HIRA: variants seen among roughly 807,000 people sequenced by gnomAD.
The protein encoded by HIRA is histone cell cycle regulator.
In HIRA, 13 loss-of-function variants were observed where a neutral mutation model predicts 126.6. That is an observed-to-expected ratio of 0.10 (90% CI 0.07 to 0.16). HIRA has a LOEUF of 0.16. Among genes scored for constraint, HIRA ranks in the 10% least tolerant of loss-of-function variants. HIRA has a pLI of 1.00. For missense variants in HIRA, 834 were observed against 1,314.4 expected (o/e 0.63, Z 5.65); for synonymous variants, 511 against 520.0 (o/e 0.98, Z 0.24).
chr22:19,383,213 G>GT (rs953923970), intron 13 of HIRA, among the ~76,000 whole-genome samples: 2 of 151,488 alleles, frequency 1.3e-5, no homozygotes, highest in Admixed American at 1.3e-4. Flanking sequence ...TATGGATAAT[G>GT]TTTTTTTCTT....
chr22:19,407,681 T>G (rs2089319389), intron 3 of HIRA, among the ~76,000 whole-genome samples: 1 of 152,246 alleles, frequency 6.6e-6, no homozygotes, highest in South Asian at 2.1e-4. Context: ...TTTTTCTAGA[T>G]TTTTCAGATG....
intron 8 of HIRA, among the ~76,000 whole-genome samples, chr22:19,394,137 G>A (rs2146227787): frequency 6.6e-6 from 1 of 152,324 alleles, no homozygotes; most frequent in Non-Finnish European, 1.5e-5. Flanking sequence ...GTGTGTAAAA[G>A]GCTGATGTGG....
intron 1 of HIRA, among the ~76,000 whole-genome samples, chr22:19,429,507 G>T (rs539111288): frequency 6.6e-6 from 1 of 151,988 alleles, no homozygotes; most frequent in African/African-American, 2.4e-5. Context: ...TTATATCTAC[G>T]CTCCCAACTG....
intron 15 of HIRA, among the ~76,000 whole-genome samples, chr22:19,373,088 A>G (rs1489012332): frequency 6.6e-6 from 1 of 152,234 alleles, no homozygotes. Flanking sequence ...TCTAAGAAAC[A>G]GTTGCCTAAT....
chr22:19,407,644 G>T (rs752740169), intron 3 of HIRA, among the ~76,000 whole-genome samples: 5 of 152,196 alleles, frequency 3.3e-5, no homozygotes, highest in Non-Finnish European at 5.9e-5. Flanking sequence ...CTCAAAAAAA[G>T]AGTACGTGCT....
At chr22:19,391,483 C>CTT (rs574374874) in intron 9 of HIRA, among the ~76,000 whole-genome samples, 5 of 137,780 alleles carry the variant, frequency 3.6e-5, no homozygotes, top group Non-Finnish European at 6.3e-5. Flanking sequence ...TTTTCTTTTT[C>CTT]TTTTTTTTTT....
chr22:19,379,095 T>C (rs2089045974), intron 13 of HIRA, among the ~76,000 whole-genome samples: 1 of 151,660 alleles, frequency 6.6e-6, no homozygotes, highest in Non-Finnish European at 1.5e-5. Context: ...TGGCGCGATC[T>C]CGCCTCACTG....
intron 1 of HIRA, among the ~76,000 whole-genome samples, chr22:19,416,868 T>C (rs1418915657): frequency 6.6e-6 from 1 of 152,132 alleles, no homozygotes; most frequent in African/African-American, 2.4e-5. Context: ...TGACTCAAAA[T>C]TGGGCAAATA....
intron 18 of HIRA, 109 bp from the exon 19 acceptor site, chr22:19,357,160 C>T (rs2088820807): frequency 7.8e-7 from 1 of 1,289,840 alleles, no homozygotes; most frequent in Admixed American, 1.9e-5. Flanking sequence ...AAGGGCCTCC[C>T]CTGAGCAGGT....
chr22:19,361,962 T>G (rs748814045), intron 15 of HIRA, 31 bp from the exon 16 acceptor site: 2 of 1,597,868 alleles, frequency 1.3e-6, no homozygotes. Context: ...ACACTTCCCT[T>G]CAGAAACCAT....
intron 23 of HIRA, 129 bp downstream of exon 23, chr22:19,353,227 C>A (rs1231624582): frequency 2.7e-6 from 3 of 1,129,872 alleles, no homozygotes; most frequent in African/African-American, 3.1e-5. Flanking sequence ...GCCTTGACTG[C>A]AGCTCAGGCT....
chr22:19,404,348 C>A (rs2089292163), intron 5 of HIRA, among the ~76,000 whole-genome samples: 1 of 152,102 alleles, frequency 6.6e-6, no homozygotes, highest in African/African-American at 2.4e-5. Context: ...CTGGTTAGGG[C>A]CTTGTAAAAG....
intron 1 of HIRA, among the ~76,000 whole-genome samples, chr22:19,416,268 G>A (rs144055397): frequency 6.6e-6 from 1 of 152,102 alleles, no homozygotes; most frequent in Non-Finnish European, 1.5e-5. Context: ...AGGAAACATA[G>A]GGGAAAAGCT....
chr22:19,395,773 G>C (rs1278495609), intron 7 of HIRA, among the ~76,000 whole-genome samples: 1 of 152,036 alleles, frequency 6.6e-6, no homozygotes, highest in South Asian at 2.1e-4. Context: ...CTTTCCTATG[G>C]GGCTTTAAGC....
intron 24 of HIRA, among the ~76,000 whole-genome samples, chr22:19,349,464 G>A (rs564451967): frequency 1.3e-5 from 2 of 152,320 alleles, no homozygotes; most frequent in East Asian, 3.9e-4. Flanking sequence ...AAATGAAAGG[G>A]AAGAAATAAT....
In HIRA at chr22:19,391,769, C is replaced by T. The variant is rs541922624; in HGVS notation, c.936+332G>A. Among the ~76,000 whole-genome samples, 4 of 152,256 alleles carry T rather than the reference C, an allele frequency of 2.6e-5. No individual in the cohort carries two copies. In the East Asian group the frequency reaches 5.8e-4, roughly 22 times the overall value. ...TGCTGGGATTACAGGCGTGAGCCAC[C>T]GCGCCCAGCCATATAAAGATTTTTC... On this transcript the variant is annotated intron_variant, in intron 9 of 24. Transcript: ENST00000263208.
chr22:19,421,170 G>A (rs2089443017), intron 1 of HIRA, among the ~76,000 whole-genome samples: 1 of 152,064 alleles, frequency 6.6e-6, no homozygotes, highest in South Asian at 2.1e-4. Flanking sequence ...GTGGTGGCAA[G>A]TGCCTGTAAT....
rs201431266 is a variant in HIRA, at chr22:19,407,282, GA to G, written c.212-9del. 124 of 1,584,612 alleles carry G rather than the reference GA, an allele frequency of 7.8e-5. No homozygotes were observed. Among genetic ancestry groups the G allele is most frequent in the Middle Eastern group, 1.7e-4 (1 of 5,936 alleles). ...GCACACAGTTCACACATGCTGGGAAGAAAAAAAAATAAGGTGATGAAAATCC... is the reference window on the plus strand; with the variant it reads ...GCACACAGTTCACACATGCTGGGAAGAAAAAAAATAAGGTGATGAAAATCC... On this transcript the variant is annotated splice_polypyrimidine_tract_variant and intron_variant, in intron 3 of 24. Coordinates refer to ENST00000263208, the MANE Select transcript of HIRA (RefSeq NM_003325.4).
At chr22:19,398,429 G>A (rs891694389) in intron 5 of HIRA, among the ~76,000 whole-genome samples, 1 of 152,142 alleles carries the variant, frequency 6.6e-6, no homozygotes, top group Non-Finnish European at 1.5e-5. Context: ...ATCATAACAG[G>A]GCCTTCCTCC....
Sources: gnomAD v4.1 joint callset for allele counts (sites outside exome capture counted in the v4.1 genomes callset) on GRCh38, gnomAD v4.1.1 for gene constraint, MANE v1.5 for transcripts, NCBI Gene and HGNC (gene_info 2026-07-23, HGNC 2026-07-21) for gene names.